AMPH: variants seen among roughly 807,000 people sequenced by gnomAD.
AMPH encodes amphiphysin, also known as amphiphysin (Stiff-Mann syndrome with breast cancer 128kD autoantigen).
Under a neutral mutation model 99.1 loss-of-function variants are expected in AMPH, and 49 were observed. That is an observed-to-expected ratio of 0.49 (90% CI 0.39 to 0.63). The LOEUF is 0.63. AMPH is among the 20% of genes least tolerant of loss of function. The pLI is 0.00. For synonymous variants in AMPH, 314 were observed against 317.3 expected (o/e 0.99, Z 0.11); for missense variants, 759 against 863.4 (o/e 0.88, Z 1.52).
chr7:38,571,789 A>G (rs1275167180), intron 1 of AMPH, among the ~76,000 whole-genome samples: 1 of 152,012 alleles, frequency 6.6e-6, no homozygotes, highest in Non-Finnish European at 1.5e-5. Flanking sequence ...AGTGTTTATT[A>G]TCTACAGTCA....
chr7:38,599,513 A>C (rs2129060899), intron 1 of AMPH, among the ~76,000 whole-genome samples: 1 of 152,358 alleles, frequency 6.6e-6, no homozygotes, highest in African/African-American at 2.4e-5. Context: ...ATATATGCTA[A>C]TCAACTGTTT....
chr7:38,455,285 T>C (rs372112880), intron 11 of AMPH, among the ~76,000 whole-genome samples: 3 of 152,160 alleles, frequency 2.0e-5, no homozygotes, highest in African/African-American at 4.8e-5. Context: ...TGGTCAGACT[T>C]GTCTCGAACT....
At chr7:38,590,040 T>G (rs1792798440) in intron 1 of AMPH, among the ~76,000 whole-genome samples, 1 of 152,148 alleles carries the variant, frequency 6.6e-6, no homozygotes, top group Admixed American at 6.5e-5. Flanking sequence ...GATGGAGTGT[T>G]GAAGTGTTAC....
In AMPH at chr7:38,428,883, C is replaced by G. The variant is rs1031201940; in HGVS notation, c.1182+959G>C. On this transcript the variant is annotated intron_variant, in intron 14 of 20. Transcript: ENST00000356264. ...ATTGGCGTTTGTACTTTCCTTATAC[C>G]CTGCTCTTAGATCTTTTCTAGTTTC... is the stretch of plus-strand genomic sequence containing the variant. 6 of 673,758 alleles carry G rather than the reference C, an allele frequency of 8.9e-6. No homozygotes were observed. In the African/African-American group the frequency reaches 9.3e-5, roughly 10 times the overall value. 41.7% of individuals were successfully genotyped at this position (673,758 alleles called of 1,614,324 possible).
intron 5 of AMPH, among the ~76,000 whole-genome samples, chr7:38,485,770 G>T (rs1352835381): frequency 6.6e-6 from 1 of 151,716 alleles, no homozygotes; most frequent in Non-Finnish European, 1.5e-5. Context: ...AATTATACCA[G>T]GTATCTTTTC....
At chr7:38,443,670 T>C (rs1036601782) in intron 11 of AMPH, among the ~76,000 whole-genome samples, 1 of 152,076 alleles carries the variant, frequency 6.6e-6, no homozygotes, top group East Asian at 1.9e-4. Flanking sequence ...TAAAACTCTT[T>C]AAGTAGGAAT....
chr7:38,502,769 C>T (rs576083274), intron 3 of AMPH, among the ~76,000 whole-genome samples: 3 of 152,248 alleles, frequency 2.0e-5, no homozygotes, highest in East Asian at 3.9e-4. Context: ...GTCCCTTCTT[C>T]GGCCCCTTGA....
chr7:38,625,176 A>C (rs1794202006), intron 1 of AMPH, among the ~76,000 whole-genome samples: 2 of 152,308 alleles, frequency 1.3e-5, no homozygotes, highest in South Asian at 4.1e-4. Flanking sequence ...AACACTGGCA[A>C]AAGAAGACCC....
At chr7:38,449,859 C>G (rs569355924) in intron 11 of AMPH, among the ~76,000 whole-genome samples, 1 of 152,126 alleles carries the variant, frequency 6.6e-6, no homozygotes, top group Non-Finnish European at 1.5e-5. Flanking sequence ...GTTACAGATA[C>G]CCAGTAAGTG....
At chr7:38,559,084 A>G (rs1791469141) in intron 1 of AMPH, among the ~76,000 whole-genome samples, 2 of 152,240 alleles carry the variant, frequency 1.3e-5, no homozygotes, top group South Asian at 4.1e-4. Context: ...CACGTTGTCA[A>G]ACTGTATAAT....
At chr7:38,463,207 ACAGGTAC>A (rs754079216) in intron 9 of AMPH, 94 bp from the exon 10 acceptor site, 1 of 1,545,608 alleles carries the variant, frequency 6.5e-7, no homozygotes, top group Non-Finnish European at 8.9e-7. Context: ...CAGAAGCCTA[ACAGGTAC>A]TGTCTGTTGT....
At chr7:38,593,726 G>A (rs146490654) in intron 1 of AMPH, among the ~76,000 whole-genome samples, 132 of 152,298 alleles carry the variant, frequency 8.7e-4, no homozygotes, top group African/African-American at 3.1e-3. Flanking sequence ...GGATACAGTA[G>A]TACAGTAGTG....
At chr7:38,553,742 A>G (rs984824130) in intron 1 of AMPH, among the ~76,000 whole-genome samples, 2 of 152,220 alleles carry the variant, frequency 1.3e-5, no homozygotes, top group African/African-American at 4.8e-5. Context: ...CAAAACTCAA[A>G]TTGATACACA....
chr7:38,427,898 A>G lies in AMPH; in HGVS notation c.1183-912T>C, dbSNP rs1450681405. 4.4e-5 allele frequency: 20 copies of G among 456,648 alleles called. 1 individual carries two copies. The highest frequency in any genetic ancestry group is 3.1e-4 in the South Asian group (20 of 64,558). The allele number at this position is 456,648 out of a possible 1,614,324, so 28.3% of individuals were successfully genotyped here. A position where few individuals can be genotyped will look rare whatever the true frequency, so the allele number is the denominator to read the frequency against. On this transcript the variant is annotated intron_variant, in intron 14 of 20. Transcript: ENST00000356264. ...ATCCATATCTCTGGTTAGCAATTTC[A>G]TCTTCAGATAAATCTGAGTTGTTGA...
intron 1 of AMPH, among the ~76,000 whole-genome samples, chr7:38,601,426 T>A (rs1011810739): frequency 1.3e-5 from 2 of 152,244 alleles, no homozygotes; most frequent in Middle Eastern, 3.2e-3. Flanking sequence ...TTTTTTCTCT[T>A]TGCTTAATCC....
chr7:38,521,100 A>G (rs1789939996), intron 2 of AMPH, among the ~76,000 whole-genome samples: 1 of 128,140 alleles, frequency 7.8e-6, no homozygotes, highest in African/African-American at 3.1e-5. Flanking sequence ...AGGTACAAAT[A>G]ATTTGTGTCC....
At chr7:38,572,093 C>T (rs926905207) in intron 1 of AMPH, among the ~76,000 whole-genome samples, 4 of 151,946 alleles carry the variant, frequency 2.6e-5, no homozygotes, top group South Asian at 2.1e-4. Flanking sequence ...TTAGTAGAGA[C>T]GGGGTTTCTC....
intron 11 of AMPH, among the ~76,000 whole-genome samples, chr7:38,448,256 T>C (rs559541262): frequency 2.6e-5 from 4 of 152,354 alleles, no homozygotes; most frequent in Admixed American, 6.5e-5. Flanking sequence ...GTGCTTTATA[T>C]TGCAGTCTTA....
intron 11 of AMPH, among the ~76,000 whole-genome samples, chr7:38,439,137 G>T (rs1562755772): frequency 1.3e-5 from 2 of 152,178 alleles, no homozygotes; most frequent in Admixed American, 1.3e-4. Context: ...GATGTGCCTT[G>T]CTTCCCCATA....
Sources: allele counts gnomAD v4.1 joint callset (sites outside exome capture counted in the v4.1 genomes callset), GRCh38; gene constraint gnomAD v4.1.1; transcripts MANE v1.5; gene names NCBI Gene and HGNC (gene_info 2026-07-23, HGNC 2026-07-21).